LARGE1: variants seen among roughly 807,000 people sequenced by gnomAD.
The protein encoded by LARGE1 is xylosyl- and glucuronyltransferase LARGE1.
LARGE1 carries 43 observed loss-of-function variants against 87.6 expected under a neutral mutation model. The ratio of observed to expected loss-of-function variants is 0.49; its 90% CI spans 0.38 to 0.63. The LOEUF is 0.63. Among genes scored for constraint, LARGE1 ranks in the 30% least tolerant of loss-of-function variants. LARGE1 has a pLI of 0.00. For missense variants in LARGE1, 802 were observed against 1,000.2 expected, an observed-to-expected ratio of 0.80 and a Z score of 2.67; for synonymous variants, 434 against 394.6, an observed-to-expected ratio of 1.10 and a Z score of -1.18.
At chr22:33,338,864 G>A (rs1310368219) in intron 9 of LARGE1, among the ~76,000 whole-genome samples, 3 of 152,086 alleles carry the variant, frequency 2.0e-5, no homozygotes, top group Non-Finnish European at 4.4e-5. Flanking sequence ...GAATAAATGA[G>A]AGGCCGGGTG....
intron 2 of LARGE1, among the ~76,000 whole-genome samples, chr22:33,656,660 A>T (rs2080969074): frequency 6.6e-6 from 1 of 152,140 alleles, no homozygotes; most frequent in Non-Finnish European, 1.5e-5. Flanking sequence ...AGATATACAC[A>T]GTCTATGTAT....
intron 1 of LARGE1, among the ~76,000 whole-genome samples, chr22:33,816,270 C>T (rs2086643600): frequency 6.6e-6 from 1 of 152,118 alleles, no homozygotes; most frequent in Admixed American, 6.6e-5. Context: ...GGTAGGCAGA[C>T]TCTTAATTTG....
chr22:33,201,850 A>T (rs1260357077), intron 11 of LARGE1, among the ~76,000 whole-genome samples: 1 of 152,170 alleles, frequency 6.6e-6, no homozygotes, highest in Non-Finnish European at 1.5e-5. Flanking sequence ...TTAAAGAATC[A>T]TTCTGGGCTG....
intron 2 of LARGE1, among the ~76,000 whole-genome samples, chr22:33,681,712 C>T (rs952675720): frequency 1.3e-5 from 2 of 152,206 alleles, no homozygotes; most frequent in Admixed American, 1.3e-4. Context: ...ATCAATGCTA[C>T]GTCTCAAATG....
chr22:33,547,159 C>T (rs1034686574), intron 6 of LARGE1, among the ~76,000 whole-genome samples: 6 of 151,482 alleles, frequency 4.0e-5, no homozygotes, highest in African/African-American at 1.5e-4. Context: ...ACTGTATGTA[C>T]AGCAGTCCCT....
chr22:33,451,798 C>T (rs1312357265), intron 6 of LARGE1, among the ~76,000 whole-genome samples: 8 of 152,266 alleles, frequency 5.3e-5, no homozygotes. Context: ...ACCTTGTGAT[C>T]CACCCGCCTC....
At chr22:33,767,430 TG>T (rs1007247998) in intron 1 of LARGE1, among the ~76,000 whole-genome samples, 2 of 148,788 alleles carry the variant, frequency 1.3e-5, no homozygotes, top group African/African-American at 4.9e-5. Flanking sequence ...TATATATGCA[TG>T]TATATATATG....
At chr22:33,394,915 G>T (rs1254964587) in intron 7 of LARGE1, among the ~76,000 whole-genome samples, 2 of 152,012 alleles carry the variant, frequency 1.3e-5, no homozygotes, top group East Asian at 3.9e-4. Flanking sequence ...AACCTGGGAA[G>T]ATCCCAATCA....
intron 1 of LARGE1, among the ~76,000 whole-genome samples, chr22:33,772,531 A>G (rs2085102995): frequency 6.6e-6 from 1 of 151,516 alleles, no homozygotes; most frequent in Admixed American, 6.6e-5. Flanking sequence ...CTGTGCCTGA[A>G]ATGCTTATGT....
intron 11 of LARGE1, among the ~76,000 whole-genome samples, chr22:33,204,020 T>A (rs1924558949): frequency 6.6e-6 from 1 of 152,222 alleles, no homozygotes; most frequent in Non-Finnish European, 1.5e-5. Context: ...AGCAGATCTT[T>A]CATTAATATC....
chr22:33,337,570 G>T, intron 10 of LARGE1, 76 bp downstream of exon 10: 7 of 1,559,806 alleles, frequency 4.5e-6, no homozygotes, highest in Non-Finnish European at 5.3e-6. Flanking sequence ...CTGACATAGA[G>T]CCTGGCATGG....
intron 2 of LARGE1, among the ~76,000 whole-genome samples, chr22:33,715,510 T>C (rs1322387557): frequency 6.6e-6 from 1 of 152,170 alleles, no homozygotes; most frequent in Non-Finnish European, 1.5e-5. Flanking sequence ...CCTTTTAAAC[T>C]GCAAAACAAA....
At chr22:33,235,874 G>T (rs375651940) in intron 11 of LARGE1, among the ~76,000 whole-genome samples, 2 of 152,306 alleles carry the variant, frequency 1.3e-5, no homozygotes, top group East Asian at 3.9e-4. Flanking sequence ...TGCCCAGAAT[G>T]TTGGGATATG....
rs1928457004 is a variant in LARGE1, at chr22:33,273,030, A to G, written c.*1397T>C. On this transcript the variant is annotated 3_prime_UTR_variant, in exon 15 of 15. Coordinates refer to ENST00000397394, the MANE Select transcript of LARGE1 (RefSeq NM_133642.5). ...TTTATCCACTGCAATTTAGCTCTCT[A>G]TGTCAAGGTGTGTCTCAGTAGCTTC... 1 of 177,152 alleles carries G rather than the reference A, an allele frequency of 5.6e-6. No individual in the cohort carries two copies. 11.0% of individuals were successfully genotyped at this position (177,152 alleles called of 1,614,324 possible).
At chr22:33,510,884 G>A (rs960561731) in intron 6 of LARGE1, among the ~76,000 whole-genome samples, 4 of 152,188 alleles carry the variant, frequency 2.6e-5, no homozygotes, top group African/African-American at 9.7e-5. Context: ...ACCACACCCA[G>A]CCTGGCTTAG....
chr22:33,703,501 T>C (rs2082463250), intron 2 of LARGE1, among the ~76,000 whole-genome samples: 1 of 152,220 alleles, frequency 6.6e-6, no homozygotes, highest in Non-Finnish European at 1.5e-5. Context: ...GTAGGTATGA[T>C]TAAAGACCTA....
chr22:33,824,335 A>G (rs1047266679), intron 1 of LARGE1, among the ~76,000 whole-genome samples: 2 of 152,236 alleles, frequency 1.3e-5, no homozygotes, highest in African/African-American at 2.4e-5. Flanking sequence ...TCATGGCAGA[A>G]GGCAAAGGGG....
At chr22:33,395,226 C>CA (rs3071528) in intron 7 of LARGE1, among the ~76,000 whole-genome samples, 2,486 of 61,232 alleles carry the variant, frequency 0.041, 113 homozygotes, top group Middle Eastern at 0.08. Context: ...GACTCTGCCT[C>CA]AAAAAAAAAA....
chr22:33,717,904 CACCACTCAT>C (rs2082959414), intron 2 of LARGE1, among the ~76,000 whole-genome samples: 2 of 152,200 alleles, frequency 1.3e-5, no homozygotes, highest in African/African-American at 4.8e-5. Context: ...CCAGACCAGT[CACCACTCAT>C]GTCACCCCTG....
Sources: gnomAD v4.1 joint callset for allele counts (sites outside exome capture counted in the v4.1 genomes callset) on GRCh38, gnomAD v4.1.1 for gene constraint, MANE v1.5 for transcripts, NCBI Gene and HGNC (gene_info 2026-07-23, HGNC 2026-07-21) for gene names.